Variants in ADGRL3 observed in about 807,000 individuals in gnomAD.
ADGRL3 encodes calcium-independent alpha-latrotoxin receptor 3.
A neutral mutation model predicts 153.5 loss-of-function variants in ADGRL3; 62 were observed. That is an observed-to-expected ratio of 0.40 (90% CI 0.33 to 0.50). The LOEUF (loss-of-function observed/expected upper bound fraction) is 0.50. Among genes scored for constraint, ADGRL3 ranks in the 20% least tolerant of loss-of-function variants. The probability of loss-of-function intolerance (pLI) is 0.47; values close to 1 mark genes in which losing one functional copy is unlikely to be tolerated. For missense variants in ADGRL3, 1,641 were observed against 1,859.4 expected (o/e 0.88, Z 2.16); for synonymous variants, 710 against 672.5 (o/e 1.06, Z -0.86).
intron 11 of ADGRL3, among the ~76,000 whole-genome samples, chr4:61,908,239 A>G (rs911313220): frequency 3.3e-5 from 5 of 152,154 alleles, no homozygotes; most frequent in South Asian, 2.1e-4. Context: ...ATGAGCTATG[A>G]TTGTGCCCCT....
intron 9 of ADGRL3, among the ~76,000 whole-genome samples, chr4:61,856,364 CCCTT>C (rs531984196): frequency 2.8e-5 from 4 of 144,360 alleles, no homozygotes; most frequent in African/African-American, 7.7e-5. Flanking sequence ...TTTCCTTCTT[CCCTT>C]CCTTCCTTCC....
At chr4:62,044,382 G>A (rs1271617837) in intron 24 of ADGRL3, 71 bp from the exon 25 acceptor site, 3 of 1,021,662 alleles carry the variant, frequency 2.9e-6, no homozygotes, top group Non-Finnish European at 4.5e-6. Context: ...TGACAGAAAA[G>A]AAAAGAATGA....
chr4:61,369,023 C>G (rs2096465657), intron 1 of ADGRL3, among the ~76,000 whole-genome samples: 1 of 152,130 alleles, frequency 6.6e-6, no homozygotes, highest in Non-Finnish European at 1.5e-5. Flanking sequence ...TTATTTGGCT[C>G]TCTGTTTGTC....
intron 6 of ADGRL3, among the ~76,000 whole-genome samples, chr4:61,720,231 A>G (rs780044941): frequency 2.0e-5 from 3 of 151,670 alleles, no homozygotes; most frequent in Admixed American, 6.6e-5. Flanking sequence ...CTGGGACTAC[A>G]GGCGCCCACC....
chr4:61,916,855 A>G (rs144080932), intron 13 of ADGRL3, among the ~76,000 whole-genome samples: 4,056 of 152,158 alleles, frequency 0.027, 76 homozygotes, highest in Non-Finnish European at 0.041. Flanking sequence ...CAGAAGGCTG[A>G]GGCAGGAGAA....
At chr4:61,842,167 A>G (rs1031169853) in intron 9 of ADGRL3, among the ~76,000 whole-genome samples, 3 of 152,204 alleles carry the variant, frequency 2.0e-5, no homozygotes, top group Non-Finnish European at 4.4e-5. Context: ...GCAATAAACT[A>G]CAGAGAAAAG....
intron 2 of ADGRL3, among the ~76,000 whole-genome samples, chr4:61,472,371 G>A (rs974458224): frequency 6.6e-6 from 1 of 152,056 alleles, no homozygotes. Flanking sequence ...TTATGAGGTT[G>A]CAGTAAAACT....
chr4:61,838,596 T>G (rs569486843), intron 9 of ADGRL3, among the ~76,000 whole-genome samples: 60 of 152,172 alleles, frequency 3.9e-4, no homozygotes, highest in Non-Finnish European at 5.9e-4. Flanking sequence ...ACATGTCTAA[T>G]ACAGAAACAC....
chr4:61,858,707 GT>G (rs1416854174), intron 9 of ADGRL3, among the ~76,000 whole-genome samples: 2 of 152,140 alleles, frequency 1.3e-5, no homozygotes, highest in African/African-American at 2.4e-5. Flanking sequence ...TCTTTTGTTT[GT>G]TTGTTTGTTT....
chr4:61,619,663 C>G (rs1176302821), intron 5 of ADGRL3, among the ~76,000 whole-genome samples: 2 of 152,168 alleles, frequency 1.3e-5, no homozygotes, highest in Non-Finnish European at 2.9e-5. Context: ...GTACTTCTAG[C>G]TAGTAATTGA....
At chr4:61,764,059 G>A (rs1185867067) in intron 8 of ADGRL3, among the ~76,000 whole-genome samples, 1 of 152,102 alleles carries the variant, frequency 6.6e-6, no homozygotes, top group Non-Finnish European at 1.5e-5. Context: ...TTCACATTCT[G>A]TATTTCCTGG....
intron 1 of ADGRL3, among the ~76,000 whole-genome samples, chr4:61,215,602 A>C (rs1325178418): frequency 8.6e-6 from 1 of 115,804 alleles, no homozygotes; most frequent in African/African-American, 3.4e-5. Context: ...CTCAGGTTGG[A>C]GTGCAGTGGC....
chr4:61,912,427 TATTG>T (rs1329715158), intron 12 of ADGRL3, among the ~76,000 whole-genome samples: 1 of 152,180 alleles, frequency 6.6e-6, no homozygotes, highest in African/African-American at 2.4e-5. Context: ...GAATGAAGTA[TATTG>T]ATTTTTACTA....
chr4:61,774,435 C>T (rs935296212), intron 8 of ADGRL3, among the ~76,000 whole-genome samples: 14 of 148,680 alleles, frequency 9.4e-5, no homozygotes, highest in South Asian at 2.2e-4. Flanking sequence ...AAAAATAATA[C>T]GATTTTTTAG....
rs1190401050 is a variant in ADGRL3, at chr4:61,200,654, G to T, written c.-1351G>T. 6.6e-6 allele frequency among the ~76,000 whole-genome samples: 1 copy of T among 151,768 alleles called. No individual in the cohort carries two copies. Among genetic ancestry groups the T allele is most frequent in the Admixed American group, 6.6e-5 (1 of 15,262 alleles). On this transcript the variant is annotated 5_prime_UTR_variant, in exon 1 of 27. Coordinates refer to ENST00000683033, the MANE Select transcript of ADGRL3 (RefSeq NM_001387552.1). The stretch of plus-strand genomic sequence containing the variant: ...TTGCCTTGGTCCTCTTCCTACGGGT[G>T]TGCGCGCGCGCGGGTTGCACGGTTT...
intron 11 of ADGRL3, among the ~76,000 whole-genome samples, chr4:61,904,346 G>A (rs554254442): frequency 1.3e-5 from 2 of 149,276 alleles, no homozygotes; most frequent in South Asian, 2.1e-4. Context: ...ATGGGGTTTC[G>A]CTGTGTTGCC....
chr4:62,009,510 A>T (rs1245977954), intron 21 of ADGRL3, among the ~76,000 whole-genome samples: 1 of 152,156 alleles, frequency 6.6e-6, no homozygotes, highest in African/African-American at 2.4e-5. Flanking sequence ...TGTCAGAAAT[A>T]AATGGTTATA....
chr4:61,804,893 A>G (rs758719643), intron 8 of ADGRL3, among the ~76,000 whole-genome samples: 3 of 151,860 alleles, frequency 2.0e-5, no homozygotes, highest in African/African-American at 4.8e-5. Context: ...TTTCGTTGCA[A>G]TCCACCTATG....
chr4:61,819,739 A>G (rs561219697), intron 9 of ADGRL3, among the ~76,000 whole-genome samples: 2 of 152,130 alleles, frequency 1.3e-5, no homozygotes, highest in East Asian at 3.9e-4. Flanking sequence ...AACAGAGAAG[A>G]CTGCTTCAGA....
Sources: allele counts gnomAD v4.1 joint callset (sites outside exome capture counted in the v4.1 genomes callset), GRCh38; gene constraint gnomAD v4.1.1; transcripts MANE v1.5; gene names NCBI Gene and HGNC (gene_info 2026-07-23, HGNC 2026-07-21).